Variants in CHST3 observed in about 807,000 individuals in gnomAD.
The protein encoded by CHST3 is C6ST-1.
CHST3 carries 20 observed loss-of-function variants against 35.4 expected under a neutral mutation model. That is an observed-to-expected ratio of 0.57 (90% CI 0.40 to 0.82). CHST3 has a LOEUF of 0.82. Among genes scored for constraint, CHST3 ranks in the 40% least tolerant of loss-of-function variants. CHST3 has a pLI of 0.00. For synonymous variants in CHST3, 334 were observed against 295.9 expected, an observed-to-expected ratio of 1.13 and a Z score of -1.32; for missense variants, 693 against 670.1, an observed-to-expected ratio of 1.03 and a Z score of -0.38.
intron 1 of CHST3, among the ~76,000 whole-genome samples, chr10:71,977,095 G>A (rs1839752672): frequency 6.6e-6 from 1 of 152,142 alleles, no homozygotes; most frequent in South Asian, 2.1e-4. Context: ...AATAGCATCG[G>A]GCCCCCTGCA....
chr10:72,002,280 G>A (rs1212276527), intron 1 of CHST3, among the ~76,000 whole-genome samples: 1 of 152,158 alleles, frequency 6.6e-6, no homozygotes, highest in Non-Finnish European at 1.5e-5. Flanking sequence ...TGAGGAGGCT[G>A]GAACAGCAAC....
Position 72,007,334 on chromosome 10 carries a change from G to A in CHST3, c.303G>A (p.Leu101=), listed in dbSNP as rs772444541. 6.2e-7 allele frequency: 1 copy of A among 1,610,524 alleles called. No individual in the cohort carries two copies. The highest frequency in any genetic ancestry group is 8.5e-7 in the Non-Finnish European group (1 of 1,178,484). The change falls in exon 3 of 3, where the codon CTG becomes CTA. Residue 101 remains leucine, a synonymous_variant. Transcript: ENST00000373115. ...QSRLRNLSLQ[L]GVEPAMEAAG... is the part of the protein sequence containing the mutation. The stretch of plus-strand genomic sequence containing the variant: ...GTCTCCGCAACCTCAGCTTGCAGCT[G>A]GGCGTGGAGCCAGCCATGGAGGCCG...
intron 1 of CHST3, among the ~76,000 whole-genome samples, chr10:71,986,111 T>C (rs1839845034): frequency 6.6e-6 from 1 of 152,210 alleles, no homozygotes; most frequent in Non-Finnish European, 1.5e-5. Context: ...TCTCCTGGCA[T>C]CCCTCCCTGG....
intron 1 of CHST3, among the ~76,000 whole-genome samples, chr10:71,972,381 T>C (rs1839704119): frequency 6.6e-6 from 1 of 152,094 alleles, no homozygotes; most frequent in Non-Finnish European, 1.5e-5. Context: ...GCTCTGGCAA[T>C]GTTGGCGTTG....
At chr10:71,975,792 G>A (rs1319887505) in intron 1 of CHST3, among the ~76,000 whole-genome samples, 1 of 152,252 alleles carries the variant, frequency 6.6e-6, no homozygotes, top group Non-Finnish European at 1.5e-5. Context: ...CTCTCCCGGT[G>A]CCGCCCTCAG....
chr10:71,987,911 C>T (rs1464612593), intron 1 of CHST3, among the ~76,000 whole-genome samples: 2 of 152,016 alleles, frequency 1.3e-5, no homozygotes, highest in African/African-American at 4.8e-5. Context: ...TTTCTCTACC[C>T]GGTTATCTCA....
rs886047169 is a variant in CHST3 at position 72,009,727 on chromosome 10, G to A, written c.*1256G>A. 6.6e-6 allele frequency: 1 copy of A among 152,498 alleles called. No individual in the cohort carries two copies. 9.4% of individuals were successfully genotyped at this position (152,498 alleles called of 1,614,324 possible). On this transcript the variant is annotated 3_prime_UTR_variant, in exon 3 of 3. Coordinates refer to ENST00000373115, the MANE Select transcript of CHST3 (RefSeq NM_004273.5). ...GTTGGTTGCTGTGGTTACAGCCAGT[G>A]CCTGGAATTCCTCCTTAGGGCCCTG...
intron 1 of CHST3, among the ~76,000 whole-genome samples, chr10:71,986,888 T>G (rs1438099414): frequency 1.3e-5 from 2 of 152,188 alleles, no homozygotes; most frequent in Admixed American, 6.5e-5. Context: ...TGTGCAATCT[T>G]CCCAATTTTC....
chr10:72,010,185 C>G lies in CHST3; in HGVS notation c.*1714C>G, dbSNP rs1840095445. 1 of 152,236 alleles carries G rather than the reference C, an allele frequency of 6.6e-6. No individual in the cohort carries two copies. Among genetic ancestry groups the G allele is most frequent in the Non-Finnish European group, 1.5e-5 (1 of 68,104 alleles). The allele number at this position is 152,236 out of a possible 1,614,324, so 9.4% of individuals were successfully genotyped here. On this transcript the variant is annotated 3_prime_UTR_variant, in exon 3 of 3. Transcript: ENST00000373115. Reference sequence around the variant, plus strand: ...AACATGTTTCCTGGGTGGGCAGGGGCCTCATGACAAGCGACAAGTGTACCC... The same window carrying G: ...AACATGTTTCCTGGGTGGGCAGGGGGCTCATGACAAGCGACAAGTGTACCC...
At chr10:71,995,241 C>G (rs148526356) in intron 1 of CHST3, among the ~76,000 whole-genome samples, 2 of 151,698 alleles carry the variant, frequency 1.3e-5, no homozygotes, top group Non-Finnish European at 1.5e-5. Flanking sequence ...CCTGGCCAAC[C>G]TGATGAAACC....
intron 1 of CHST3, among the ~76,000 whole-genome samples, chr10:71,990,369 CTT>C (rs138507392): frequency 6.8e-6 from 1 of 146,674 alleles, no homozygotes; most frequent in Non-Finnish European, 1.5e-5. Flanking sequence ...AATAATTTTT[CTT>C]TTTTTTTTTG....
chr10:71,970,160 C>T (rs752702241), intron 1 of CHST3, among the ~76,000 whole-genome samples: 1 of 152,148 alleles, frequency 6.6e-6, no homozygotes, highest in Non-Finnish European at 1.5e-5. Flanking sequence ...TGCTGGGCCG[C>T]CACCAGCTTG....
At chr10:71,989,018 C>T (rs1311270716) in intron 1 of CHST3, among the ~76,000 whole-genome samples, 3 of 152,022 alleles carry the variant, frequency 2.0e-5, no homozygotes, top group South Asian at 2.1e-4. Context: ...AAAAATTAGC[C>T]GGGCATGCTG....
At chr10:71,968,614 G>T (rs755449853) in intron 1 of CHST3, among the ~76,000 whole-genome samples, 1 of 152,212 alleles carries the variant, frequency 6.6e-6, no homozygotes, top group Non-Finnish European at 1.5e-5. Context: ...GGCCCTTATT[G>T]GTTCTCCATG....
Position 72,008,251 on chromosome 10 carries a change from C to A in CHST3, c.1220C>A (p.Ala407Glu). 6.3e-7 allele frequency: 1 copy of A among 1,575,158 alleles called. No individual in the cohort carries two copies. The highest frequency in any genetic ancestry group is 8.6e-7 in the Non-Finnish European group (1 of 1,160,844). The change falls in exon 3 of 3, where the codon GCG (alanine) becomes GAG (glutamate). Residue 407 changes from alanine to glutamate, a missense_variant. Ala to Glu is a moderately radical substitution (Grantham distance 107, BLOSUM62 -1). Transcript: ENST00000373115. Reference sequence around the variant, plus strand: ...GACTGGATCCAAAAGAACACGCAGGCGGCCCACGACGGCAGCGGCATCTAC... The same window carrying A: ...GACTGGATCCAAAAGAACACGCAGGAGGCCCACGACGGCAGCGGCATCTAC... ...VEDWIQKNTQ[A>E]AHDGSGIYST...
intron 1 of CHST3, among the ~76,000 whole-genome samples, chr10:71,993,021 C>T (rs192705563): frequency 2.0e-5 from 3 of 152,296 alleles, no homozygotes; most frequent in Admixed American, 6.5e-5. Flanking sequence ...CAGCTCAGGA[C>T]GGCTTTGAAT....
intron 1 of CHST3, among the ~76,000 whole-genome samples, chr10:71,995,890 G>C (rs1839934165): frequency 6.6e-6 from 1 of 152,084 alleles, no homozygotes; most frequent in South Asian, 2.1e-4. Flanking sequence ...ATGTGACACA[G>C]AGACACACAG....
chr10:72,007,601 C>G lies in CHST3; in HGVS notation c.570C>G (p.Asp190Glu), dbSNP rs367857089. The G allele has an allele frequency of 1.2e-6, 2 of 1,609,904 alleles. No individual in the cohort carries two copies. The highest frequency in any genetic ancestry group is 2.2e-5 in the South Asian group (2 of 90,916). Residue 190 changes from aspartate to glutamate, a missense_variant, in exon 3 of 3, where the codon GAC (aspartate) becomes GAG (glutamate). Asp to Glu is a conservative substitution (Grantham distance 45). Transcript: ENST00000373115. Reference sequence around the variant, plus strand: ...CGGGCTCGGCCCTGGTGTACCGCGACGTGCTCAAGCAGCTCTTCCTGTGCG... The same window carrying G: ...CGGGCTCGGCCCTGGTGTACCGCGAGGTGCTCAAGCAGCTCTTCCTGTGCG... ...NAAGSALVYR[D>E]VLKQLFLCDL...
intron 2 of CHST3, 23 bp from the exon 3 acceptor site, chr10:72,007,149 C>G (rs748302738): frequency 1.2e-6 from 2 of 1,612,956 alleles, no homozygotes; most frequent in South Asian, 2.2e-5. Flanking sequence ...AGCCACTGAC[C>G]CTGATCTTCT....
Sources: gnomAD v4.1 joint callset for allele counts (sites outside exome capture counted in the v4.1 genomes callset) on GRCh38, gnomAD v4.1.1 for gene constraint, MANE v1.5 for transcripts, NCBI Gene and HGNC (gene_info 2026-07-23, HGNC 2026-07-21) for gene names.